The following PAG1 variants were observed in gnomAD, a reference collection of about 807,000 sequenced individuals.
The protein encoded by PAG1 is phosphoprotein membrane anchor with glycosphingolipid microdomains 1.
PAG1 carries 23 observed loss-of-function variants against 31.7 expected under a neutral mutation model. That is an observed-to-expected ratio of 0.73 (90% CI 0.52 to 1.03). The LOEUF is 1.03. Among genes scored for constraint, PAG1 ranks in the 50% least tolerant of loss-of-function variants. The pLI is 0.00. For synonymous variants in PAG1, 214 were observed against 210.3 expected (o/e 1.02, Z -0.15); for missense variants, 473 against 540.7 (o/e 0.87, Z 1.24).
chr8:80,986,421 A>C lies in PAG1; in HGVS notation c.274+949T>G, dbSNP rs887213343. 2.0e-5 allele frequency among the ~76,000 whole-genome samples: 3 copies of C among 152,302 alleles called. No homozygotes were observed. In the East Asian group the frequency reaches 5.8e-4, roughly 29 times the overall value. On this transcript the variant is annotated intron_variant, in intron 6 of 8. Transcript: ENST00000220597. ...ACGCCCTCTTACCTCAGGTAAAAGC[A>C]TGGTGTAAACTCTAAAGCATGAAGG...
intron 3 of PAG1, among the ~76,000 whole-genome samples, chr8:80,994,945 G>A (rs940219654): frequency 2.0e-5 from 3 of 152,028 alleles, no homozygotes; most frequent in Non-Finnish European, 4.4e-5. Context: ...TTACATTTTC[G>A]TTTGCTTCAG....
At chr8:81,077,790 A>G (rs1051281624) in intron 1 of PAG1, among the ~76,000 whole-genome samples, 1 of 152,230 alleles carries the variant, frequency 6.6e-6, no homozygotes, top group African/African-American at 2.4e-5. Flanking sequence ...TGAAAGCAAA[A>G]TGTTTAGATT....
chr8:80,999,026 TG>T (rs1563623649), intron 3 of PAG1, among the ~76,000 whole-genome samples: 1 of 152,180 alleles, frequency 6.6e-6, no homozygotes, highest in Non-Finnish European at 1.5e-5. Flanking sequence ...GCAGATTCTT[TG>T]GTGGGTTCCC....
intron 4 of PAG1, among the ~76,000 whole-genome samples, chr8:80,991,974 C>T (rs912452559): frequency 1.3e-5 from 2 of 151,628 alleles, no homozygotes; most frequent in African/African-American, 4.9e-5. Context: ...GGTACATGCT[C>T]TCAGGGTGAG....
chr8:81,077,769 G>T (rs1274095326), intron 1 of PAG1, among the ~76,000 whole-genome samples: 2 of 152,186 alleles, frequency 1.3e-5, no homozygotes, highest in East Asian at 3.8e-4. Context: ...AAAATAATAT[G>T]TAAATTTTGC....
intron 3 of PAG1, among the ~76,000 whole-genome samples, chr8:80,997,840 C>A (rs962565366): frequency 6.6e-6 from 1 of 152,152 alleles, no homozygotes; most frequent in African/African-American, 2.4e-5. Flanking sequence ...TAATATAATA[C>A]AAGCATATAG....
At chr8:80,995,561 AT>A (rs1807656654) in intron 3 of PAG1, among the ~76,000 whole-genome samples, 1 of 152,248 alleles carries the variant, frequency 6.6e-6, no homozygotes. Flanking sequence ...TATAAAATAC[AT>A]TTTTATACAC....
chr8:81,102,147 T>C (rs894019519), intron 1 of PAG1, among the ~76,000 whole-genome samples: 6 of 152,134 alleles, frequency 3.9e-5, no homozygotes, highest in African/African-American at 1.4e-4. Context: ...CATATTATTA[T>C]AAAGTGCAAT....
chr8:81,045,999 A>C (rs1018507665), intron 2 of PAG1, among the ~76,000 whole-genome samples: 1 of 152,212 alleles, frequency 6.6e-6, no homozygotes, highest in Non-Finnish European at 1.5e-5. Flanking sequence ...CTTTTGTCTT[A>C]CATTATCCTG....
At chr8:80,998,162 G>C (rs1403093321) in intron 3 of PAG1, among the ~76,000 whole-genome samples, 2 of 128,854 alleles carry the variant, frequency 1.6e-5, no homozygotes, top group African/African-American at 6.1e-5. Context: ...ACAAAGTCTC[G>C]CTCTGTCGCT....
chr8:80,997,535 A>G (rs1197705711), intron 3 of PAG1, among the ~76,000 whole-genome samples: 1 of 152,174 alleles, frequency 6.6e-6, no homozygotes, highest in Non-Finnish European at 1.5e-5. Flanking sequence ...AGTTACAGGC[A>G]TGAGCCACCA....
intron 2 of PAG1, among the ~76,000 whole-genome samples, chr8:81,049,836 C>T (rs1335530630): frequency 6.6e-6 from 1 of 152,190 alleles, no homozygotes; most frequent in East Asian, 1.9e-4. Context: ...TTACTGAGGA[C>T]TAACAGGGCT....
At position 81,039,203 on chromosome 8, in the gene PAG1, T is replaced by C. The variant is rs552422310; in HGVS notation, c.-174-9114A>G. Among the ~76,000 whole-genome samples the C allele has an allele frequency of 1.6e-3, 247 of 152,230 alleles. 1 individual carries two copies. Among genetic ancestry groups the C allele is most frequent in the African/African-American group, 5.1e-3 (213 of 41,534 alleles). On this transcript the variant is annotated intron_variant, in intron 2 of 8. Transcript: ENST00000220597. ...CTGAGCCTGTTAGGTTTGATTTATG[T>C]CCCCCAAAATTCATGTCTCTAAGTC... is the stretch of plus-strand genomic sequence containing the variant.
intron 3 of PAG1, among the ~76,000 whole-genome samples, chr8:81,019,264 T>C (rs1226810065): frequency 1.3e-5 from 2 of 152,244 alleles, no homozygotes; most frequent in Non-Finnish European, 2.9e-5. Flanking sequence ...AAAACCCATT[T>C]TCTGGGAGAA....
At chr8:81,032,422 A>G (rs934180661) in intron 2 of PAG1, among the ~76,000 whole-genome samples, 1 of 152,226 alleles carries the variant, frequency 6.6e-6, no homozygotes, top group African/African-American at 2.4e-5. Flanking sequence ...TCTCCAAAAA[A>G]GATACACAAA....
chr8:81,064,239 C>T (rs1218222277), intron 2 of PAG1, among the ~76,000 whole-genome samples: 1 of 152,106 alleles, frequency 6.6e-6, no homozygotes, highest in Non-Finnish European at 1.5e-5. Flanking sequence ...TGAAACTGTT[C>T]CACTAAGATC....
At chr8:80,987,281 T>C in intron 6 of PAG1, 89 bp downstream of exon 6, 1 of 828,582 alleles carries the variant, frequency 1.2e-6, no homozygotes, top group Admixed American at 2.0e-5. Context: ...ATAACACATT[T>C]CCTACTTTTT....
Position 80,980,421 on chromosome 8 carries a change from G to T in PAG1, c.936+14C>A. On this transcript the variant is annotated intron_variant, in intron 8 of 8. Transcript: ENST00000220597. ...TACTACAGTTTTCCCTTTTTAAAAAGAAACAAAACTTACCTCTTCTTCTGT... is the reference window on the plus strand; with the variant it reads ...TACTACAGTTTTCCCTTTTTAAAAATAAACAAAACTTACCTCTTCTTCTGT... 4 of 1,521,234 alleles carry T rather than the reference G, an allele frequency of 2.6e-6. No homozygotes were observed. Among genetic ancestry groups the T allele is most frequent in the Non-Finnish European group, 3.6e-6 (4 of 1,096,672 alleles). 94.2% of individuals were successfully genotyped at this position (1,521,234 alleles called of 1,614,324 possible).
intron 1 of PAG1, among the ~76,000 whole-genome samples, chr8:81,096,148 C>A (rs966294953): frequency 2.0e-5 from 3 of 152,156 alleles, no homozygotes; most frequent in Admixed American, 6.5e-5. Context: ...AATAAAACTA[C>A]TATATTTGGA....
Sources: allele counts gnomAD v4.1 joint callset (sites outside exome capture counted in the v4.1 genomes callset), GRCh38; gene constraint gnomAD v4.1.1; transcripts MANE v1.5; gene names NCBI Gene and HGNC (gene_info 2026-07-23, HGNC 2026-07-21).